Variants in PDXDC1 observed in about 807,000 individuals in gnomAD.
PDXDC1 encodes pyridoxal-dependent decarboxylase domain-containing protein 1.
In PDXDC1, 42 loss-of-function variants were observed where a neutral mutation model predicts 100.1. The observed-to-expected ratio is 0.42, with a 90% confidence interval of 0.33 to 0.54. The LOEUF is 0.54. Among genes scored for constraint, PDXDC1 ranks in the 20% least tolerant of loss-of-function variants. The pLI is 0.10. For missense variants in PDXDC1, 636 were observed against 979.2 expected (o/e 0.65, Z 4.68); for synonymous variants, 260 against 371.7 (o/e 0.70, Z 3.46).
At chr16:15,046,971 C>T (rs2044097614) in intron 16 of PDXDC1, among the ~76,000 whole-genome samples, 1 of 152,152 alleles carries the variant, frequency 6.6e-6, no homozygotes, top group Admixed American at 6.6e-5. Flanking sequence ...CCCGCCTCAC[C>T]ACCCAACACC....
chr16:14,980,285 C>T (rs1430172592), intron 1 of PDXDC1, among the ~76,000 whole-genome samples: 1 of 152,240 alleles, frequency 6.6e-6, no homozygotes, highest in East Asian at 1.9e-4. Context: ...AAAGCAGAAA[C>T]CTGTTTTGAT....
intron 16 of PDXDC1, chr16:15,044,366 T>C (rs1393698475): frequency 6.2e-7 from 1 of 1,613,230 alleles, no homozygotes; most frequent in Non-Finnish European, 8.5e-7. Context: ...TTGTGACAAC[T>C]GCCTGTCGTC....
At chr16:15,085,835 A>T in intron 16 of PDXDC1, 1 of 1,287,696 alleles carries the variant, frequency 7.8e-7, no homozygotes, top group Non-Finnish European at 1.1e-6. Flanking sequence ...TAGCCCAATG[A>T]TTAATTAAAC....
chr16:15,001,691 C>A, intron 3 of PDXDC1, 85 bp from the exon 4 acceptor site: 2 of 1,203,494 alleles, frequency 1.7e-6, no homozygotes, highest in East Asian at 2.7e-5. Context: ...CTTGAAGCAA[C>A]GCTAGTTGAA....
downstream of PDXDC1, among the ~76,000 whole-genome samples, chr16:15,142,713 G>A (rs1439755887): frequency 6.6e-6 from 1 of 152,066 alleles, no homozygotes; most frequent in Admixed American, 6.5e-5. Context: ...GAACGCCAAG[G>A]CCTAGCCAGG....
At chr16:15,079,064 C>A (rs1235511113) in intron 16 of PDXDC1, among the ~76,000 whole-genome samples, 1 of 152,156 alleles carries the variant, frequency 6.6e-6, no homozygotes, top group East Asian at 1.9e-4. Flanking sequence ...CCCGCCTCGG[C>A]CTCCCAAAGT....
chr16:15,125,408 T>C, intron 16 of PDXDC1: 6 of 791,106 alleles, frequency 7.6e-6, no homozygotes, highest in Admixed American at 1.8e-5. Flanking sequence ...ACGGACACCC[T>C]GGGCTTCCGA....
intron 16 of PDXDC1, chr16:15,128,145 C>G: frequency 6.2e-7 from 1 of 1,609,450 alleles, no homozygotes; most frequent in Non-Finnish European, 8.5e-7. Flanking sequence ...CCTGCAGAGG[C>G]GCGGGAGGGA....
At chr16:14,979,005 TG>T (rs1967341942) in intron 1 of PDXDC1, among the ~76,000 whole-genome samples, 1 of 152,294 alleles carries the variant, frequency 6.6e-6, no homozygotes, top group Admixed American at 6.5e-5. Context: ...TGTCTCAAGA[TG>T]GGGGCAGTTG....
chr16:15,119,333 A>C (rs1010079819), intron 16 of PDXDC1: 1 of 305,986 alleles, frequency 3.3e-6, no homozygotes, highest in African/African-American at 2.2e-5. Flanking sequence ...GCCTATATTA[A>C]AAGAAGCAAA....
intron 16 of PDXDC1, among the ~76,000 whole-genome samples, chr16:15,063,863 T>C (rs2044834284): frequency 6.6e-6 from 1 of 152,230 alleles, no homozygotes; most frequent in African/African-American, 2.4e-5. Flanking sequence ...TGAAATTGTT[T>C]CTAAACTTTA....
rs1436942242 is a variant in PDXDC1 at position 15,134,937 on chromosome 16, C to G, written c.1400-3942C>G. 4 of 387,036 alleles carry G rather than the reference C, an allele frequency of 1.0e-5. No individual in the cohort carries two copies. In the East Asian group the frequency reaches 2.4e-4, roughly 23 times the overall value. 24.0% of individuals were successfully genotyped at this position (387,036 alleles called of 1,614,324 possible). Reference sequence around the variant, plus strand: ...CTCCTGGCCGGTCCAGAGTGGGGAGCGTGAGGGTGAGAACCGGCCCACCAC... The same window carrying G: ...CTCCTGGCCGGTCCAGAGTGGGGAGGGTGAGGGTGAGAACCGGCCCACCAC... On this transcript the variant is annotated intron_variant, in intron 16 of 16. Transcript: ENST00000535621.
chr16:15,053,555 CT>C (rs1311202901), intron 16 of PDXDC1, among the ~76,000 whole-genome samples: 3 of 152,052 alleles, frequency 2.0e-5, no homozygotes, highest in East Asian at 1.9e-4. Context: ...TGTAGTCATA[CT>C]TTTTTTTCTG....
the PDXDC1 span, among the ~76,000 whole-genome samples, chr16:15,149,947 G>T: frequency 6.6e-6 from 1 of 152,198 alleles, no homozygotes; most frequent in Non-Finnish European, 1.5e-5. Flanking sequence ...GAGACACCAT[G>T]GAGGTGGCAC....
At chr16:15,111,395 G>C (rs1345351274) in intron 16 of PDXDC1, among the ~76,000 whole-genome samples, 3 of 143,488 alleles carry the variant, frequency 2.1e-5, no homozygotes, top group African/African-American at 7.6e-5. Flanking sequence ...GGAAAAAGTT[G>C]TGTTGAGCTG....
At chr16:15,034,427 G>A in intron 20 of PDXDC1, 30 bp from the exon 21 acceptor site, 3 of 1,613,536 alleles carry the variant, frequency 1.9e-6, no homozygotes, top group Non-Finnish European at 2.5e-6. Flanking sequence ...GTGAGGCCAG[G>A]TGGCCCTGAA....
intron 1 of PDXDC1, among the ~76,000 whole-genome samples, chr16:14,980,241 A>C (rs1967647109): frequency 1.3e-5 from 2 of 152,280 alleles, no homozygotes; most frequent in Admixed American, 1.3e-4. Flanking sequence ...TATAGGTAGA[A>C]GTTGGTTGAG....
chr16:15,040,083 G>A (rs776894263), downstream of PDXDC1: 4 of 1,421,078 alleles, frequency 2.8e-6, no homozygotes, highest in Non-Finnish European at 4.0e-6. Flanking sequence ...GGGACAACAG[G>A]ATGACTCTGA....
In PDXDC1 at chr16:15,036,394, A is replaced by G; in HGVS notation, c.*119A>G. On this transcript the variant is annotated 3_prime_UTR_variant, in exon 23 of 23. Transcript: ENST00000396410. ...TTACTGTTGTTTGTGCTTCACTGGG[A>G]TTTTGGCACAAATATGTGCCTGAAA... 1.9e-6 allele frequency: 2 copies of G among 1,040,222 alleles called. No individual in the cohort carries two copies. The highest frequency in any genetic ancestry group is 1.6e-5 in the South Asian group (1 of 62,026). 64.4% of individuals were successfully genotyped at this position (1,040,222 alleles called of 1,614,324 possible). A position where few individuals can be genotyped will look rare whatever the true frequency, so the allele number is the denominator to read the frequency against.
Sources: gnomAD v4.1 joint callset for allele counts (sites outside exome capture counted in the v4.1 genomes callset) on GRCh38, gnomAD v4.1.1 for gene constraint, MANE v1.5 for transcripts, NCBI Gene and HGNC (gene_info 2026-07-23, HGNC 2026-07-21) for gene names.